The following CRACD variants were observed in gnomAD, a reference collection of about 807,000 sequenced individuals.
The protein encoded by CRACD is capping protein-inhibiting regulator of actin dynamics.
A neutral mutation model predicts 106.8 loss-of-function variants in CRACD; 56 were observed. That is an observed-to-expected ratio of 0.52 (90% confidence interval 0.42 to 0.66). The LOEUF is 0.66. CRACD is among the 30% of genes least tolerant of loss of function. The pLI, the probability that CRACD is intolerant of heterozygous loss-of-function variation, is 0.00. For missense variants in CRACD, 1,730 were observed against 1,623.2 expected (o/e 1.07, Z -1.13); for synonymous variants, 754 against 670.8 (o/e 1.12, Z -1.92).
At chr4:56,307,487 G>A (rs376143783) in intron 4 of CRACD, 48 bp from the exon 5 acceptor site, 32 of 1,598,780 alleles carry the variant, frequency 2.0e-5, no homozygotes, top group Non-Finnish European at 2.6e-5. Flanking sequence ...TGTGGTGGTT[G>A]TGAACTGCTT....
intron 1 of CRACD, among the ~76,000 whole-genome samples, chr4:56,124,863 T>A (rs1189531545): frequency 6.6e-6 from 1 of 152,170 alleles, no homozygotes; most frequent in Non-Finnish European, 1.5e-5. Context: ...TATCCCTAAG[T>A]GGAGCCGCTG....
intron 1 of CRACD, among the ~76,000 whole-genome samples, chr4:56,122,324 A>AG (rs1437691652): frequency 6.8e-6 from 1 of 147,066 alleles, no homozygotes; most frequent in Non-Finnish European, 1.5e-5. Context: ...AAAAAAAAAA[A>AG]GAATTTTTAA....
chr4:56,141,880 A>G (rs1412414938), intron 1 of CRACD, among the ~76,000 whole-genome samples: 1 of 151,308 alleles, frequency 6.6e-6, no homozygotes, highest in African/African-American at 2.4e-5. Flanking sequence ...AATTATAGAG[A>G]TGGGAGTCTC....
rs1175146573 is a variant in CRACD, at chr4:56,199,688, AAAAAAGAAAAG to A, written c.-189+20264_-189+20274del. On this transcript the variant is annotated intron_variant, in intron 2 of 10. Coordinates refer to ENST00000682029, the MANE Select transcript of CRACD (RefSeq NM_001393381.1). ...CAGAGCGAAACTCCGTCTCAAAAAA[AAAAAAGAAAAG>A]AAAAAAAAAGAAAAAGAGAACCTAA... Among the ~76,000 whole-genome samples the A allele has an allele frequency of 1.4e-3, 212 of 147,810 alleles. 3 individuals carry two copies. Among genetic ancestry groups the A allele is most frequent in the African/African-American group, 4.9e-3 (193 of 39,388 alleles).
chr4:56,159,298 T>C (rs975147394), intron 1 of CRACD, among the ~76,000 whole-genome samples: 1 of 152,230 alleles, frequency 6.6e-6, no homozygotes, highest in Non-Finnish European at 1.5e-5. Flanking sequence ...TGTAGTCAGC[T>C]ATATACAACC....
chr4:56,164,204 G>A (rs1008195287), intron 1 of CRACD, among the ~76,000 whole-genome samples: 1 of 150,170 alleles, frequency 6.7e-6, no homozygotes, highest in Non-Finnish European at 1.5e-5. Context: ...GCGCAATTTC[G>A]GCTCACTGCA....
intron 2 of CRACD, among the ~76,000 whole-genome samples, chr4:56,184,611 G>T (rs1226353998): frequency 6.6e-6 from 1 of 152,134 alleles, no homozygotes; most frequent in Non-Finnish European, 1.5e-5. Context: ...TGCTGCTCTT[G>T]CTACTCCTGC....
At chr4:56,226,217 G>A (rs1392060818) in intron 2 of CRACD, among the ~76,000 whole-genome samples, 1 of 152,284 alleles carries the variant, frequency 6.6e-6, no homozygotes, top group Admixed American at 6.5e-5. Flanking sequence ...TATCCCAGAG[G>A]AGGCACGTTA....
At chr4:56,302,907 A>G (rs1744451884) in intron 4 of CRACD, among the ~76,000 whole-genome samples, 1 of 152,214 alleles carries the variant, frequency 6.6e-6, no homozygotes, top group South Asian at 2.1e-4. Context: ...AAATGGTCCA[A>G]TTTGAATGAA....
chr4:56,217,160 A>G (rs1738747495), intron 2 of CRACD, among the ~76,000 whole-genome samples: 1 of 152,134 alleles, frequency 6.6e-6, no homozygotes. Context: ...CGAGTTTCCT[A>G]GGGATGCCCT....
At position 56,270,153 on chromosome 4, in the gene CRACD, C is replaced by T. The variant is rs563242431; in HGVS notation, c.-188-2168C>T. Among the ~76,000 whole-genome samples, 6 of 152,252 alleles carry T rather than the reference C, an allele frequency of 3.9e-5. No individual in the cohort carries two copies. The East Asian group carries it at 9.7e-4, about 25-fold the overall frequency. On this transcript the variant is annotated intron_variant, in intron 2 of 10. Transcript: ENST00000682029. ...AATTGGTTATTATTCTGTCTGCGTCCTCAGCACCTTATGCCGCTGCTTAGG... is the reference window on the plus strand; with the variant it reads ...AATTGGTTATTATTCTGTCTGCGTCTTCAGCACCTTATGCCGCTGCTTAGG...
intron 1 of CRACD, among the ~76,000 whole-genome samples, chr4:56,080,530 T>C (rs2109807944): frequency 6.6e-6 from 1 of 152,394 alleles, no homozygotes; most frequent in East Asian, 1.9e-4. Flanking sequence ...GCAGTGCTGT[T>C]ACAGCACACA....
chr4:56,165,339 A>C (rs1290174795), intron 1 of CRACD, among the ~76,000 whole-genome samples: 2 of 152,166 alleles, frequency 1.3e-5, no homozygotes. Context: ...CATCTACAGG[A>C]TGGCTAACAG....
chr4:56,126,554 A>T (rs1482039543), intron 1 of CRACD, among the ~76,000 whole-genome samples: 1 of 152,196 alleles, frequency 6.6e-6, no homozygotes. Context: ...GTTGTTAGCT[A>T]AAGAATCTTA....
At chr4:56,272,168 A>G (rs1742392779) in intron 2 of CRACD, among the ~76,000 whole-genome samples, 153 bp from the exon 3 acceptor site, 1 of 152,182 alleles carries the variant, frequency 6.6e-6, no homozygotes, top group Non-Finnish European at 1.5e-5. Context: ...TGGCGCCGAC[A>G]TTCCTGGCAC....
intron 2 of CRACD, among the ~76,000 whole-genome samples, chr4:56,256,638 G>A (rs1320200005): frequency 6.6e-6 from 1 of 152,206 alleles, no homozygotes; most frequent in East Asian, 1.9e-4. Context: ...TCATCAAATG[G>A]AAGTGGTGTA....
chr4:56,304,360 T>TA (rs1228799865), intron 4 of CRACD, among the ~76,000 whole-genome samples: 3 of 150,740 alleles, frequency 2.0e-5, no homozygotes, highest in Non-Finnish European at 3.0e-5. Flanking sequence ...TGTTTGTAGA[T>TA]ATAATAGTCA....
At chr4:56,089,930 A>G (rs1380827444) in intron 1 of CRACD, among the ~76,000 whole-genome samples, 2 of 152,254 alleles carry the variant, frequency 1.3e-5, no homozygotes, top group South Asian at 2.1e-4. Flanking sequence ...TAGTCTGTAT[A>G]AAAAGTTCTT....
intron 4 of CRACD, among the ~76,000 whole-genome samples, chr4:56,301,450 T>G (rs932260962): frequency 6.6e-5 from 10 of 152,186 alleles, no homozygotes; most frequent in Non-Finnish European, 1.3e-4. Context: ...TATGTGTGTA[T>G]GTTTATTTTT....
Sources: gnomAD v4.1 joint callset for allele counts (sites outside exome capture counted in the v4.1 genomes callset) on GRCh38, gnomAD v4.1.1 for gene constraint, MANE v1.5 for transcripts, NCBI Gene and HGNC (gene_info 2026-07-23, HGNC 2026-07-21) for gene names.